The following GRIK4 variants were observed in gnomAD, a reference collection of about 807,000 sequenced individuals.
The protein encoded by GRIK4 is glutamate ionotropic receptor kainate type subunit 4.
Under a neutral mutation model 104.9 loss-of-function variants are expected in GRIK4, and 40 were observed. That is an observed-to-expected ratio of 0.38 (90% CI 0.30 to 0.50). The LOEUF is 0.50. Ranked by LOEUF, GRIK4 falls within the 20% of genes least tolerant of loss-of-function variation. The pLI, the probability that GRIK4 is intolerant of heterozygous loss-of-function variation, is 0.93. For synonymous variants in GRIK4, 485 were observed against 524.9 expected (o/e 0.92, Z 1.04); for missense variants, 1,047 against 1,308.1 (o/e 0.80, Z 3.08).
At chr11:120,985,833 C>A in intron 20 of GRIK4, 71 bp from the exon 21 acceptor site, 1 of 1,404,128 alleles carries the variant, frequency 7.1e-7, no homozygotes, top group Non-Finnish European at 9.8e-7. Context: ...CATCCCTCAT[C>A]CCAGCGGACT....
At chr11:120,781,785 G>T (rs1432122971) in intron 3 of GRIK4, among the ~76,000 whole-genome samples, 2 of 152,212 alleles carry the variant, frequency 1.3e-5, no homozygotes, top group Non-Finnish European at 2.9e-5. Flanking sequence ...AGGACTTTGG[G>T]CTAGGTTTAG....
chr11:120,637,384 C>T (rs4499011), intron 1 of GRIK4, among the ~76,000 whole-genome samples: 136,788 of 152,156 alleles, frequency 0.9, 62,034 homozygotes, highest in Non-Finnish European at 0.96. Flanking sequence ...GGCAAATCCC[C>T]TTCACAGGCA....
intron 4 of GRIK4, among the ~76,000 whole-genome samples, chr11:120,805,027 GT>G (rs1952686900): frequency 6.6e-6 from 1 of 151,662 alleles, no homozygotes; most frequent in African/African-American, 2.4e-5. Context: ...GTCAGTAAGT[GT>G]TTAGTGAGTG....
intron 1 of GRIK4, among the ~76,000 whole-genome samples, chr11:120,560,980 A>C (rs573991201): frequency 6.6e-6 from 1 of 152,358 alleles, no homozygotes; most frequent in South Asian, 2.1e-4. Context: ...CCTCAGCCTT[A>C]AATGGATATT....
intron 3 of GRIK4, among the ~76,000 whole-genome samples, chr11:120,784,598 G>A (rs902601757): frequency 6.6e-6 from 1 of 152,150 alleles, no homozygotes; most frequent in Non-Finnish European, 1.5e-5. Flanking sequence ...GACCCTCAGT[G>A]GTCCTATGGC....
At chr11:120,725,155 T>C (rs1480425301) in intron 3 of GRIK4, among the ~76,000 whole-genome samples, 1 of 152,212 alleles carries the variant, frequency 6.6e-6, no homozygotes, top group East Asian at 1.9e-4. Context: ...ATATCTGTTA[T>C]AGAAAGGGAA....
At chr11:120,702,358 C>G (rs1448271057) in intron 3 of GRIK4, among the ~76,000 whole-genome samples, 1 of 152,176 alleles carries the variant, frequency 6.6e-6, no homozygotes, top group Non-Finnish European at 1.5e-5. Flanking sequence ...TGAGCCGAAT[C>G]TTGGTATGCC....
At chr11:120,614,931 G>C (rs571758521) in intron 1 of GRIK4, among the ~76,000 whole-genome samples, 1 of 152,158 alleles carries the variant, frequency 6.6e-6, no homozygotes, top group Non-Finnish European at 1.5e-5. Context: ...CCCAGGAGGC[G>C]GAGCTTGCAG....
rs1248743540 is a variant in GRIK4, at chr11:120,511,830, C to T, written c.-216C>T. On this transcript the variant is annotated 5_prime_UTR_variant, in exon 1 of 21. Coordinates refer to ENST00000527524, the MANE Select transcript of GRIK4 (RefSeq NM_014619.5). The stretch of plus-strand genomic sequence containing the variant: ...GGAAAAACGGCCAACAGCAGCCCCG[C>T]GGCCGGCCCGGCAGCGCCCGGCCCC... 9 of 357,544 alleles carry T rather than the reference C, an allele frequency of 2.5e-5. No homozygotes were observed. The highest frequency in any genetic ancestry group is 3.4e-5 in the Non-Finnish European group (6 of 176,134). 22.1% of individuals were successfully genotyped at this position (357,544 alleles called of 1,614,324 possible).
At chr11:120,831,128 G>A (rs948543601) in intron 6 of GRIK4, among the ~76,000 whole-genome samples, 4 of 152,148 alleles carry the variant, frequency 2.6e-5, no homozygotes, top group Admixed American at 1.3e-4. Context: ...CTGGAGTGCA[G>A]TTCAAAGCCT....
intron 3 of GRIK4, among the ~76,000 whole-genome samples, chr11:120,712,600 C>A (rs1389110342): frequency 1.3e-5 from 2 of 150,138 alleles, no homozygotes. Flanking sequence ...ACAGCCTGGC[C>A]AACATAGTAA....
intron 19 of GRIK4, among the ~76,000 whole-genome samples, chr11:120,969,243 T>C (rs1425107473): frequency 1.3e-5 from 2 of 151,976 alleles, no homozygotes; most frequent in African/African-American, 4.8e-5. Context: ...AGTGCGGAGA[T>C]TACTTCTCCT....
At chr11:120,742,025 A>G (rs980307496) in intron 3 of GRIK4, among the ~76,000 whole-genome samples, 1 of 152,150 alleles carries the variant, frequency 6.6e-6, no homozygotes, top group African/African-American at 2.4e-5. Flanking sequence ...GAATTAAGGA[A>G]AGGTTTGGTC....
chr11:120,807,272 A>G (rs1246833923), intron 4 of GRIK4, among the ~76,000 whole-genome samples: 1 of 152,104 alleles, frequency 6.6e-6, no homozygotes, highest in Non-Finnish European at 1.5e-5. Flanking sequence ...AATGAATTAG[A>G]GCTTAACTAA....
At chr11:120,852,858 A>G (rs1954006671) in intron 8 of GRIK4, among the ~76,000 whole-genome samples, 1 of 152,192 alleles carries the variant, frequency 6.6e-6, no homozygotes. Context: ...CTTCTGAGAC[A>G]AGGGTCTGGG....
chr11:120,931,030 G>A (rs1043878813), intron 13 of GRIK4, among the ~76,000 whole-genome samples: 12 of 152,176 alleles, frequency 7.9e-5, no homozygotes, highest in African/African-American at 2.9e-4. Flanking sequence ...TGCATTATAT[G>A]TATTATTTCC....
chr11:120,772,523 A>T (rs993132394), intron 3 of GRIK4, among the ~76,000 whole-genome samples: 1 of 152,180 alleles, frequency 6.6e-6, no homozygotes, highest in Non-Finnish European at 1.5e-5. Flanking sequence ...AAGAGCCAGG[A>T]TGGGAATTAG....
intron 18 of GRIK4, among the ~76,000 whole-genome samples, chr11:120,963,303 A>G (rs917775151): frequency 7.9e-5 from 12 of 152,320 alleles, no homozygotes; most frequent in African/African-American, 2.6e-4. Flanking sequence ...ATAGGAGGAT[A>G]GAGACGTTTG....
intron 1 of GRIK4, among the ~76,000 whole-genome samples, chr11:120,535,268 G>A (rs1463117362): frequency 8.9e-6 from 1 of 112,944 alleles, no homozygotes; most frequent in Non-Finnish European, 1.8e-5. Flanking sequence ...AGAACCTCCT[G>A]GGACCAGAGG....
Sources: gnomAD v4.1 joint callset for allele counts (sites outside exome capture counted in the v4.1 genomes callset) on GRCh38, gnomAD v4.1.1 for gene constraint, MANE v1.5 for transcripts, NCBI Gene and HGNC (gene_info 2026-07-23, HGNC 2026-07-21) for gene names.